The following XRCC4 variants were observed in gnomAD, a reference collection of about 807,000 sequenced individuals.
XRCC4 encodes X-ray repair cross complementing 4.
A neutral mutation model predicts 39.1 loss-of-function variants in XRCC4; 28 were observed. That is an observed-to-expected ratio of 0.72 (90% CI 0.53 to 0.98). The LOEUF (loss-of-function observed/expected upper bound fraction) is 0.98. Among genes scored for constraint, XRCC4 ranks in the 50% least tolerant of loss-of-function variants. The pLI is 0.00. For missense variants in XRCC4, 350 were observed against 376.4 expected, an observed-to-expected ratio of 0.93 and a Z score of 0.58; for synonymous variants, 123 against 126.4, an observed-to-expected ratio of 0.97 and a Z score of 0.18.
intron 3 of XRCC4, among the ~76,000 whole-genome samples, chr5:83,122,094 A>G (rs1037416141): frequency 2.0e-5 from 3 of 152,180 alleles, no homozygotes; most frequent in Non-Finnish European, 4.4e-5. Flanking sequence ...AAATCATGAA[A>G]TCAGGTGAAA....
chr5:83,117,394 A>G (rs189029197), intron 3 of XRCC4, among the ~76,000 whole-genome samples: 3 of 152,316 alleles, frequency 2.0e-5, no homozygotes, highest in African/African-American at 7.2e-5. Context: ...CATGCTAACA[A>G]TGCATCTTAA....
intron 1 of XRCC4, among the ~76,000 whole-genome samples, chr5:83,097,579 A>G (rs553422189): frequency 4.0e-5 from 6 of 151,890 alleles, no homozygotes; most frequent in Non-Finnish European, 8.8e-5. Flanking sequence ...AAGACTGTAT[A>G]TAAGCTTAAT....
intron 3 of XRCC4, among the ~76,000 whole-genome samples, chr5:83,117,316 T>G (rs1184959061): frequency 6.6e-6 from 1 of 152,212 alleles, no homozygotes; most frequent in Non-Finnish European, 1.5e-5. Context: ...AGATCATTTG[T>G]GTGCTTTGGG....
chr5:83,352,295 G>T (rs956593890), intron 7 of XRCC4, among the ~76,000 whole-genome samples: 2 of 152,068 alleles, frequency 1.3e-5, no homozygotes, highest in Non-Finnish European at 2.9e-5. Context: ...AATCATAATT[G>T]CCCCAGAGGC....
intron 4 of XRCC4, among the ~76,000 whole-genome samples, chr5:83,196,868 C>T (rs574523860): frequency 6.6e-6 from 1 of 151,734 alleles, no homozygotes; most frequent in South Asian, 2.1e-4. Flanking sequence ...TCTGTATAGA[C>T]GTTAGTGAGT....
chr5:83,277,156 C>CAAAG (rs914207413), intron 7 of XRCC4, among the ~76,000 whole-genome samples: 1 of 152,144 alleles, frequency 6.6e-6, no homozygotes, highest in African/African-American at 2.4e-5. Context: ...GCAGAGAAAA[C>CAAAG]AAAGATATAT....
intron 7 of XRCC4, among the ~76,000 whole-genome samples, chr5:83,264,483 T>A (rs1404698275): frequency 6.6e-6 from 1 of 152,172 alleles, no homozygotes; most frequent in Non-Finnish European, 1.5e-5. Flanking sequence ...CTGGTATTAA[T>A]TCATTTATTT....
intron 1 of XRCC4, among the ~76,000 whole-genome samples, chr5:83,081,115 T>TG (rs1208580273): frequency 6.6e-6 from 1 of 152,210 alleles, no homozygotes; most frequent in Non-Finnish European, 1.5e-5. Flanking sequence ...CACGGGGCCT[T>TG]GGGATATACA....
chr5:83,249,338 G>T (rs1220882047), intron 6 of XRCC4, among the ~76,000 whole-genome samples: 2 of 152,062 alleles, frequency 1.3e-5, no homozygotes, highest in African/African-American at 2.4e-5. Context: ...ATCCCATTCG[G>T]TTTTAAAGCT....
At chr5:83,320,997 G>A (rs1159229370) in intron 7 of XRCC4, among the ~76,000 whole-genome samples, 1 of 151,886 alleles carries the variant, frequency 6.6e-6, no homozygotes, top group Non-Finnish European at 1.5e-5. Context: ...TTTTAGTAGA[G>A]ATGGGGTTTC....
At chr5:83,090,727 G>A (rs768156044) in intron 1 of XRCC4, among the ~76,000 whole-genome samples, 1 of 152,148 alleles carries the variant, frequency 6.6e-6, no homozygotes, top group Non-Finnish European at 1.5e-5. Flanking sequence ...AAACTCAGGT[G>A]TAATTGAAAG....
intron 7 of XRCC4, among the ~76,000 whole-genome samples, chr5:83,279,588 G>T (rs1754464799): frequency 6.6e-6 from 1 of 152,174 alleles, no homozygotes; most frequent in African/African-American, 2.4e-5. Context: ...ATGTGATATG[G>T]TTGCTGTAAT....
chr5:83,163,595 A>T (rs985814551), intron 3 of XRCC4, among the ~76,000 whole-genome samples: 13 of 152,218 alleles, frequency 8.5e-5, no homozygotes, highest in African/African-American at 2.7e-4. Flanking sequence ...GATTCCTGGT[A>T]TTTATGGCTT....
chr5:83,258,707 G>A (rs1316662145), intron 7 of XRCC4, 30 bp downstream of exon 7: 1 of 1,597,300 alleles, frequency 6.3e-7, no homozygotes, highest in Non-Finnish European at 8.5e-7. Context: ...GCCAAGAAGT[G>A]AGATGACATT....
intron 6 of XRCC4, among the ~76,000 whole-genome samples, chr5:83,208,834 G>A (rs1341826480): frequency 6.6e-6 from 1 of 152,056 alleles, no homozygotes; most frequent in African/African-American, 2.4e-5. Flanking sequence ...TTTCCAGATA[G>A]ATAGTGATTG....
At chr5:83,116,044 G>A (rs1543847) in intron 3 of XRCC4, among the ~76,000 whole-genome samples, 73,945 of 151,934 alleles carry the variant, frequency 0.49, 18,789 homozygotes, top group African/African-American at 0.62. Flanking sequence ...TGCTTCTGCA[G>A]ACTGATTTCA....
chr5:83,204,680 T>G (rs1050065177), intron 5 of XRCC4, 135 bp from the exon 6 acceptor site: 16 of 555,380 alleles, frequency 2.9e-5, no homozygotes, highest in Non-Finnish European at 3.7e-5. Flanking sequence ...TTCATCTAAA[T>G]CATATATATT....
At chr5:83,200,511 A>G (rs1433936995) in intron 4 of XRCC4, among the ~76,000 whole-genome samples, 1 of 152,116 alleles carries the variant, frequency 6.6e-6, no homozygotes, top group Non-Finnish European at 1.5e-5. Context: ...TAGGAATATT[A>G]TATGATATTT....
intron 1 of XRCC4, among the ~76,000 whole-genome samples, chr5:83,092,989 A>G (rs987402503): frequency 2.7e-5 from 4 of 148,962 alleles, no homozygotes; most frequent in African/African-American, 1.0e-4. Flanking sequence ...ATATTCTCCT[A>G]TAAAAGACAA....
Sources: gnomAD v4.1 joint callset for allele counts (sites outside exome capture counted in the v4.1 genomes callset) on GRCh38, gnomAD v4.1.1 for gene constraint, MANE v1.5 for transcripts, NCBI Gene and HGNC (gene_info 2026-07-23, HGNC 2026-07-21) for gene names.